Variants in ERAP1 observed in about 807,000 individuals in gnomAD.
ERAP1 encodes adipocyte-derived leucine aminopeptidase.
In ERAP1, 86 loss-of-function variants were observed where a neutral mutation model predicts 103.7. The observed-to-expected ratio is 0.83, with a 90% CI of 0.70 to 0.99. The LOEUF (loss-of-function observed/expected upper bound fraction) is 0.99. Ranked by LOEUF, ERAP1 falls within the 50% of genes least tolerant of loss-of-function variation. The pLI is 0.00. For synonymous variants in ERAP1, 398 were observed against 402.4 expected (o/e 0.99, Z 0.13); for missense variants, 1,009 against 1,128.4 (o/e 0.89, Z 1.52).
the ERAP1 span, chr5:96,913,440 G>T: frequency 2.5e-6 from 4 of 1,613,932 alleles, no homozygotes; most frequent in African/African-American, 4.0e-5. Flanking sequence ...GAGAAAATTG[G>T]ACCCATCTTC....
downstream of ERAP1, chr5:96,770,509 C>A (rs139557660): frequency 1.1e-4 from 175 of 1,554,420 alleles, 2 homozygotes; most frequent in African/African-American, 1.7e-3. Context: ...GCCATAGCCT[C>A]ATTACATTTC....
At chr5:96,854,464 A>T in the ERAP1 span, among the ~76,000 whole-genome samples, 86 of 152,144 alleles carry the variant, frequency 5.7e-4, no homozygotes, top group Non-Finnish European at 9.9e-4. Flanking sequence ...CAAAAAAAAA[A>T]CCTCTGAGCA....
the ERAP1 span, among the ~76,000 whole-genome samples, chr5:96,916,153 G>A: frequency 2.0e-5 from 3 of 151,960 alleles, no homozygotes; most frequent in Non-Finnish European, 4.4e-5. Flanking sequence ...CCCAGGAGGC[G>A]GAGGTTGCAG....
At chr5:96,809,389 C>T (rs1220648155), upstream of ERAP1, among the ~76,000 whole-genome samples, 1 of 152,182 alleles carries the variant, frequency 6.6e-6, no homozygotes, top group African/African-American at 2.4e-5. Context: ...GGACCATGGT[C>T]CTAGTGGGAA....
chr5:96,872,235 C>T, the ERAP1 span, among the ~76,000 whole-genome samples: 1 of 151,420 alleles, frequency 6.6e-6, no homozygotes, highest in East Asian at 1.9e-4. Flanking sequence ...GGGAGCCATT[C>T]GTCATTTTAT....
chr5:96,922,347 G>A, the ERAP1 span, among the ~76,000 whole-genome samples: 1 of 152,258 alleles, frequency 6.6e-6, no homozygotes, highest in South Asian at 2.1e-4. Flanking sequence ...CAATTAAGTT[G>A]CAAATTCTAT....
chr5:96,801,317 G>C (rs1306124077), intron 2 of ERAP1, among the ~76,000 whole-genome samples: 1 of 151,816 alleles, frequency 6.6e-6, no homozygotes, highest in African/African-American at 2.4e-5. Context: ...AATTAGCCAG[G>C]CATGGTGGTG....
At chr5:96,790,452 AC>A (rs1274045653) in intron 9 of ERAP1, 59 bp downstream of exon 9, 2 of 1,611,312 alleles carry the variant, frequency 1.2e-6, no homozygotes, top group African/African-American at 2.7e-5. Context: ...TGCAGGGAAA[AC>A]AAAACAAGAT....
the ERAP1 span, among the ~76,000 whole-genome samples, chr5:96,890,588 A>AT: frequency 6.6e-6 from 1 of 152,136 alleles, no homozygotes; most frequent in Non-Finnish European, 1.5e-5. Context: ...TGACAAAACA[A>AT]TTTTTTTCCT....
rs1431882959 is a variant in ERAP1 at position 96,786,471 on chromosome 5, T to C, written c.1758A>G (p.Thr586=). The C allele has an allele frequency of 1.9e-6, 3 of 1,601,818 alleles. No individual in the cohort carries two copies. Among genetic ancestry groups the C allele is most frequent in the Admixed American group, 1.7e-5 (1 of 60,014 alleles). Residue 586 remains threonine, a splice_region_variant and synonymous_variant, in exon 12 of 19, where the codon ACA becomes ACG. Transcript: ENST00000443439. ...CTAGTAGTTTCCAAAATAAATTACC[T>C]GTTTTTGTTTTTAGCAAAAATCGAT... is the stretch of plus-strand genomic sequence containing the variant. ...MVHRFLLKTK[T]DVLILPEEVE...
the ERAP1 span, chr5:96,823,022 A>C: frequency 4.3e-4 from 194 of 456,036 alleles, no homozygotes; most frequent in Middle Eastern, 6.5e-4. Flanking sequence ...AGGACAGAGC[A>C]CTTCAGTTTC....
the ERAP1 span, chr5:96,919,857 T>C: frequency 1.3e-5 from 2 of 152,238 alleles, no homozygotes; most frequent in Non-Finnish European, 2.9e-5. Context: ...GAATATATGA[T>C]GAGGTGAACA....
intron 1 of ERAP1, chr5:96,804,408 AG>A (rs1195458617): frequency 8.0e-6 from 2 of 250,612 alleles, no homozygotes; most frequent in African/African-American, 4.6e-5. Flanking sequence ...CCTTGGAGAA[AG>A]TCACCCTAGT....
the ERAP1 span, chr5:96,879,861 G>A: frequency 3.7e-6 from 6 of 1,614,010 alleles, no homozygotes; most frequent in African/African-American, 8.0e-5. Flanking sequence ...GCCACTAATG[G>A]GGAACGATTT....
the ERAP1 span, chr5:96,934,947 G>C: frequency 6.6e-6 from 1 of 152,436 alleles, no homozygotes; most frequent in Non-Finnish European, 1.5e-5. Context: ...GAGAGGATAA[G>C]GAAGCGGTTC....
chr5:96,828,188 C>T, the ERAP1 span, among the ~76,000 whole-genome samples: 2 of 152,068 alleles, frequency 1.3e-5, no homozygotes, highest in African/African-American at 4.8e-5. Context: ...GCTCCTAGTG[C>T]CTTCTGATTT....
chr5:96,880,236 A>G, the ERAP1 span: 1 of 1,612,616 alleles, frequency 6.2e-7, no homozygotes, highest in Non-Finnish European at 8.5e-7. Flanking sequence ...AAAAGCACAT[A>G]CAGAACTCTT....
chr5:96,883,087 G>T, the ERAP1 span, among the ~76,000 whole-genome samples: 13 of 152,250 alleles, frequency 8.5e-5, no homozygotes, highest in African/African-American at 2.9e-4. Context: ...AGAAGTACCT[G>T]GGGGCACAGG....
At chr5:96,792,371 A>G (rs897369423) in intron 7 of ERAP1, among the ~76,000 whole-genome samples, 179 bp from the exon 8 acceptor site, 1 of 152,244 alleles carries the variant, frequency 6.6e-6, no homozygotes, top group African/African-American at 2.4e-5. Context: ...AAGCTACCCA[A>G]GAAACAATGA....
Sources: allele counts gnomAD v4.1 joint callset (sites outside exome capture counted in the v4.1 genomes callset), GRCh38; gene constraint gnomAD v4.1.1; transcripts MANE v1.5; gene names NCBI Gene and HGNC (gene_info 2026-07-23, HGNC 2026-07-21).